Variants in WDR41 observed in about 807,000 individuals in gnomAD.
WDR41 encodes WD repeat-containing protein 41.
A neutral mutation model predicts 69.3 loss-of-function variants in WDR41; 63 were observed. The ratio of observed to expected loss-of-function variants is 0.91; its 90% confidence interval spans 0.74 to 1.12. The LOEUF (loss-of-function observed/expected upper bound fraction) is 1.12, where lower values mean the gene tolerates loss of function less well. Among genes scored for constraint, WDR41 ranks in the 50% most tolerant of loss-of-function variants. The pLI, the probability that WDR41 is intolerant of heterozygous loss-of-function variation, is 0.00. For synonymous variants in WDR41, 185 were observed against 192.1 expected (o/e 0.96, Z 0.31); for missense variants, 543 against 534.5 (o/e 1.02, Z -0.16).
chr5:77,442,400 T>C (rs1799199832), intron 8 of WDR41, among the ~76,000 whole-genome samples: 1 of 152,180 alleles, frequency 6.6e-6, no homozygotes, highest in Admixed American at 6.5e-5. Flanking sequence ...ATTTATGACA[T>C]ATTGTTACAA....
At chr5:77,535,718 G>A (rs1021664707) in intron 1 of WDR41, among the ~76,000 whole-genome samples, 1 of 152,060 alleles carries the variant, frequency 6.6e-6, no homozygotes, top group Non-Finnish European at 1.5e-5. Context: ...GTCTTTCCCA[G>A]TCACCAGTAT....
chr5:77,552,636 A>G (rs1042697162), intron 1 of WDR41, among the ~76,000 whole-genome samples: 1 of 152,242 alleles, frequency 6.6e-6, no homozygotes, highest in African/African-American at 2.4e-5. Flanking sequence ...CTCTACCCAT[A>G]TTAAGCCTGG....
At position 77,438,497 on chromosome 5, in the gene WDR41, C is replaced by G. The variant is rs1260548004; in HGVS notation, c.883-136G>C. On this transcript the variant is annotated intron_variant, in intron 9 of 12. Coordinates refer to ENST00000296679, the MANE Select transcript of WDR41 (RefSeq NM_018268.4). The stretch of plus-strand genomic sequence containing the variant: ...CTAGCCTTTAGCCCAAATTACAGTA[C>G]TAATCTCTGAAACCCCAAAATGTCA... The G allele has an allele frequency of 5.6e-5, 71 of 1,272,420 alleles. No homozygotes were observed. The South Asian group carries it at 9.3e-4, about 17-fold the overall frequency. The allele number at this position is 1,272,420 out of a possible 1,614,324, so 78.8% of individuals were successfully genotyped here.
intron 1 of WDR41, among the ~76,000 whole-genome samples, chr5:77,596,268 C>T (rs1744226395): frequency 6.6e-6 from 1 of 152,156 alleles, no homozygotes; most frequent in Non-Finnish European, 1.5e-5. Context: ...CTGCCTCAGC[C>T]TCCCAAATAG....
chr5:77,434,384 G>A (rs1012569566), intron 12 of WDR41, among the ~76,000 whole-genome samples: 2 of 152,060 alleles, frequency 1.3e-5, no homozygotes, highest in Non-Finnish European at 1.5e-5. Flanking sequence ...ACTCAGCTGA[G>A]GATGCAGGAG....
At chr5:77,438,637 C>T (rs973526247) in intron 9 of WDR41, among the ~76,000 whole-genome samples, 16 of 152,160 alleles carry the variant, frequency 1.1e-4, no homozygotes, top group African/African-American at 3.9e-4. Flanking sequence ...TGAAATATAT[C>T]TAGAGAAAAG....
chr5:77,512,437 TA>T (rs901098869), intron 1 of WDR41, among the ~76,000 whole-genome samples: 1 of 148,306 alleles, frequency 6.7e-6, no homozygotes, highest in African/African-American at 2.5e-5. Context: ...GGTGAGAAAT[TA>T]AAAGTCTTTG....
intron 12 of WDR41, among the ~76,000 whole-genome samples, chr5:77,435,065 C>G (rs3797634): frequency 0.46 from 69,626 of 151,934 alleles, 16,309 homozygotes; most frequent in African/African-American, 0.56. Flanking sequence ...TCCGGCCTAG[C>G]CAAGGTGCTC....
At chr5:77,590,547 G>C (rs552371056) in intron 1 of WDR41, among the ~76,000 whole-genome samples, 5 of 152,286 alleles carry the variant, frequency 3.3e-5, no homozygotes, top group African/African-American at 7.2e-5. Context: ...GTAAAAGGTA[G>C]TGGGAAACTA....
chr5:77,572,680 A>T (rs972719388), intron 1 of WDR41, among the ~76,000 whole-genome samples: 1 of 152,224 alleles, frequency 6.6e-6, no homozygotes, highest in Admixed American at 6.5e-5. Flanking sequence ...TTGCTTATCA[A>T]GACCACCTTC....
At chr5:77,577,873 G>A (rs1019489359) in intron 1 of WDR41, among the ~76,000 whole-genome samples, 1 of 152,138 alleles carries the variant, frequency 6.6e-6, no homozygotes, top group Non-Finnish European at 1.5e-5. Flanking sequence ...TAACATCATA[G>A]CTTAGCCTAG....
At chr5:77,477,126 A>C (rs9687882) in intron 2 of WDR41, among the ~76,000 whole-genome samples, 2 of 147,062 alleles carry the variant, frequency 1.4e-5, no homozygotes, top group Non-Finnish European at 2.9e-5. Context: ...AGAGCTAACT[A>C]TCCTAAATAT....
At chr5:77,489,700 G>A (rs1801683679) in intron 1 of WDR41, 128 bp from the exon 2 acceptor site, 1 of 479,224 alleles carries the variant, frequency 2.1e-6, no homozygotes. Context: ...AAAGCCTTAA[G>A]GTATCATGTT....
chr5:77,462,135 C>T (rs1191101759), intron 4 of WDR41, among the ~76,000 whole-genome samples: 2 of 151,714 alleles, frequency 1.3e-5, no homozygotes, highest in African/African-American at 2.4e-5. Flanking sequence ...TAAGGCCGGG[C>T]GCAGTGGCTC....
chr5:77,593,301 C>A (rs909632416), intron 1 of WDR41, among the ~76,000 whole-genome samples: 1 of 151,834 alleles, frequency 6.6e-6, no homozygotes, highest in Non-Finnish European at 1.5e-5. Context: ...GTGACAGAGG[C>A]AGAGACAGAG....
chr5:77,616,013 A>G (rs1016553550), intron 1 of WDR41, among the ~76,000 whole-genome samples: 7 of 151,800 alleles, frequency 4.6e-5, no homozygotes, highest in Non-Finnish European at 5.9e-5. Context: ...AAATAAATAA[A>G]TAAATTAATT....
At chr5:77,482,984 C>G (rs907369000) in intron 2 of WDR41, among the ~76,000 whole-genome samples, 1 of 152,064 alleles carries the variant, frequency 6.6e-6, no homozygotes, top group Non-Finnish European at 1.5e-5. Context: ...AGAGTTTACA[C>G]AAACCAACCT....
intron 4 of WDR41, among the ~76,000 whole-genome samples, chr5:77,462,755 C>T (rs1328186743): frequency 1.3e-5 from 2 of 152,140 alleles, no homozygotes; most frequent in East Asian, 1.9e-4. Flanking sequence ...TCCAACTCAT[C>T]GTTGTTTCCC....
intron 1 of WDR41, among the ~76,000 whole-genome samples, chr5:77,551,311 T>C (rs1382773987): frequency 3.3e-5 from 5 of 152,250 alleles, no homozygotes; most frequent in Non-Finnish European, 5.9e-5. Context: ...TATTAATTCA[T>C]GTTAGATTTT....
Sources: allele counts gnomAD v4.1 joint callset (sites outside exome capture counted in the v4.1 genomes callset), GRCh38; gene constraint gnomAD v4.1.1; transcripts MANE v1.5; gene names NCBI Gene and HGNC (gene_info 2026-07-23, HGNC 2026-07-21).